The following SKAP1 variants were observed in gnomAD, a reference collection of about 807,000 sequenced individuals.
The protein encoded by SKAP1 is src kinase-associated phosphoprotein 1.
A neutral mutation model predicts 58.5 loss-of-function variants in SKAP1; 44 were observed. The observed-to-expected ratio is 0.75, with a 90% CI of 0.59 to 0.97. SKAP1 has a LOEUF of 0.97. Among genes scored for constraint, SKAP1 ranks in the 50% least tolerant of loss-of-function variants. The probability of loss-of-function intolerance (pLI) is 0.00; values close to 1 mark genes in which losing one functional copy is unlikely to be tolerated. For missense variants in SKAP1, 390 were observed against 435.2 expected (o/e 0.90, Z 0.92); for synonymous variants, 127 against 149.7 (o/e 0.85, Z 1.11).
At chr17:48,259,469 T>A (rs746147191) in intron 4 of SKAP1, among the ~76,000 whole-genome samples, 50 of 152,308 alleles carry the variant, frequency 3.3e-4, no homozygotes, top group African/African-American at 1.2e-3. Flanking sequence ...TTAAAATGTC[T>A]GCCTTTTACA....
intron 6 of SKAP1, among the ~76,000 whole-genome samples, chr17:48,185,437 A>G (rs940920534): frequency 2.0e-5 from 3 of 152,184 alleles, no homozygotes; most frequent in Non-Finnish European, 4.4e-5. Context: ...AACGTTGAGT[A>G]TTATTAGATG....
intron 3 of SKAP1, among the ~76,000 whole-genome samples, chr17:48,351,774 A>G (rs2066804973): frequency 6.6e-6 from 1 of 152,154 alleles, no homozygotes; most frequent in Non-Finnish European, 1.5e-5. Context: ...GGCACAGTCT[A>G]AATAATCACA....
intron 9 of SKAP1, among the ~76,000 whole-genome samples, chr17:48,179,510 G>T (rs1286221057): frequency 1.3e-5 from 2 of 152,168 alleles, no homozygotes; most frequent in African/African-American, 2.4e-5. Context: ...ACATGTTAGG[G>T]TTATTTTTAA....
At chr17:48,349,645 C>G (rs2066770952) in intron 3 of SKAP1, among the ~76,000 whole-genome samples, 1 of 152,102 alleles carries the variant, frequency 6.6e-6, no homozygotes, top group East Asian at 1.9e-4. Context: ...AGATACACTC[C>G]TTGGTATATT....
chr17:48,343,495 A>C (rs2066683768), intron 4 of SKAP1, among the ~76,000 whole-genome samples: 1 of 152,192 alleles, frequency 6.6e-6, no homozygotes, highest in African/African-American at 2.4e-5. Flanking sequence ...TCAAGTTTTT[A>C]ACATAGAAAT....
At chr17:48,233,556 G>T (rs1188685164) in intron 4 of SKAP1, among the ~76,000 whole-genome samples, 1 of 149,894 alleles carries the variant, frequency 6.7e-6, no homozygotes, top group East Asian at 1.9e-4. Context: ...ATAAAATATG[G>T]GTAAAATAAG....
intron 11 of SKAP1, among the ~76,000 whole-genome samples, chr17:48,141,211 C>T (rs933929754): frequency 1.3e-5 from 2 of 152,092 alleles, no homozygotes; most frequent in African/African-American, 2.4e-5. Flanking sequence ...TATCGTCTCA[C>T]GTGAGAACTA....
chr17:48,361,411 G>T (rs1033864021), intron 3 of SKAP1, among the ~76,000 whole-genome samples: 5 of 151,792 alleles, frequency 3.3e-5, no homozygotes, highest in Admixed American at 2.6e-4. Flanking sequence ...CACCATGTTG[G>T]TCAGGCTGGT....
chr17:48,258,759 A>T (rs1208027682), intron 4 of SKAP1, among the ~76,000 whole-genome samples: 2 of 152,116 alleles, frequency 1.3e-5, no homozygotes, highest in Admixed American at 6.6e-5. Flanking sequence ...AAAACCATAA[A>T]GTTACAGCTG....
intron 4 of SKAP1, among the ~76,000 whole-genome samples, chr17:48,286,869 G>A (rs1018202929): frequency 2.6e-5 from 4 of 152,132 alleles, no homozygotes; most frequent in Non-Finnish European, 5.9e-5. Context: ...AGGCCAAGGC[G>A]GGTGGATCAC....
chr17:48,345,438 G>C (rs1039035620), intron 4 of SKAP1, among the ~76,000 whole-genome samples: 1 of 152,172 alleles, frequency 6.6e-6, no homozygotes, highest in African/African-American at 2.4e-5. Context: ...AGGGGTATGT[G>C]AGAAGTACAG....
intron 12 of SKAP1, among the ~76,000 whole-genome samples, chr17:48,135,687 T>C (rs894618200): frequency 1.3e-5 from 2 of 151,914 alleles, no homozygotes; most frequent in Non-Finnish European, 1.5e-5. Context: ...CCCAGGCTGG[T>C]CTCAAACTCC....
At chr17:48,141,795 G>C (rs2063770551) in intron 11 of SKAP1, among the ~76,000 whole-genome samples, 2 of 152,160 alleles carry the variant, frequency 1.3e-5, no homozygotes, top group African/African-American at 4.8e-5. Context: ...ACTTGTCTCA[G>C]CTGCTCCCAT....
intron 4 of SKAP1, among the ~76,000 whole-genome samples, chr17:48,256,647 G>A (rs1005337192): frequency 2.2e-4 from 33 of 152,026 alleles, no homozygotes; most frequent in Non-Finnish European, 5.9e-5. Flanking sequence ...GATTCATGAA[G>A]GAGCAGGACT....
At chr17:48,206,060 G>A (rs66727715) in intron 4 of SKAP1, among the ~76,000 whole-genome samples, 4,826 of 152,266 alleles carry the variant, frequency 0.032, 93 homozygotes, top group East Asian at 0.054. Context: ...GTGGGGAGGA[G>A]GATGGAGATC....
intron 9 of SKAP1, among the ~76,000 whole-genome samples, chr17:48,171,393 A>C (rs951212375): frequency 1.3e-5 from 2 of 152,096 alleles, no homozygotes; most frequent in Non-Finnish European, 2.9e-5. Context: ...GGCGTGAGCC[A>C]CCGTGCCTGG....
intron 2 of SKAP1, among the ~76,000 whole-genome samples, chr17:48,365,761 T>A (rs924258950): frequency 1.4e-5 from 2 of 147,630 alleles, no homozygotes; most frequent in Non-Finnish European, 3.0e-5. Context: ...CTCTCAGGAG[T>A]GTAGATGTGC....
At chr17:48,166,698 G>A (rs2064145474) in intron 10 of SKAP1, among the ~76,000 whole-genome samples, 1 of 152,196 alleles carries the variant, frequency 6.6e-6, no homozygotes, top group African/African-American at 2.4e-5. Flanking sequence ...GGAAAAGAGA[G>A]ACAAAACATG....
chr17:48,424,118 G>A (rs1046866180), intron 1 of SKAP1, among the ~76,000 whole-genome samples: 22 of 152,098 alleles, frequency 1.4e-4, no homozygotes, highest in African/African-American at 5.1e-4. Context: ...CCAGATCAAC[G>A]GCAGATTCAG....
Sources: allele counts gnomAD v4.1 joint callset (sites outside exome capture counted in the v4.1 genomes callset), GRCh38; gene constraint gnomAD v4.1.1; transcripts MANE v1.5; gene names NCBI Gene and HGNC (gene_info 2026-07-23, HGNC 2026-07-21).